The following SPRED2 variants were observed in gnomAD, a reference collection of about 807,000 sequenced individuals.
SPRED2 encodes the protein sprouty-related, EVH1 domain-containing protein 2.
SPRED2 carries 47 observed loss-of-function variants against 43.0 expected under a neutral mutation model. The ratio of observed to expected loss-of-function variants is 1.09; its 90% CI spans 0.87 to 1.40. The LOEUF (loss-of-function observed/expected upper bound fraction) is 1.40, where lower values mean the gene tolerates loss of function less well. SPRED2 is among the 40% of genes most tolerant of loss of function. The pLI is 0.00. For synonymous variants in SPRED2, 225 were observed against 225.7 expected (o/e 1.00, Z 0.03); for missense variants, 561 against 586.4 (o/e 0.96, Z 0.45).
chr2:65,328,787 TAGAA>T (rs1223405331), intron 4 of SPRED2, among the ~76,000 whole-genome samples: 1 of 152,118 alleles, frequency 6.6e-6, no homozygotes, highest in Non-Finnish European at 1.5e-5. Context: ...AGAAAACACT[TAGAA>T]AGCCAGTCAA....
intron 1 of SPRED2, among the ~76,000 whole-genome samples, chr2:65,360,079 C>CAAAAAAAAAAAAAAAAAAAAAAAAAA (rs143422380): frequency 4.3e-5 from 4 of 93,692 alleles, no homozygotes; most frequent in Non-Finnish European, 8.1e-5. Context: ...AAAAAAAAAA[C>CAAAAAAAAAAAAAAAAAAAAAAAAAA]AAAAAAAAAC....
chr2:65,376,724 T>G lies in SPRED2; in HGVS notation c.27-31828A>C, dbSNP rs115029440. On this transcript the variant is annotated intron_variant, in intron 1 of 5. Coordinates refer to ENST00000356388, the MANE Select transcript of SPRED2 (RefSeq NM_181784.3). ...TTATCTCTTCACAGTCTTTCCATAT[T>G]TTTTTTTTGAGATGGAGTCTCACTC... Among the ~76,000 whole-genome samples, 769 of 151,312 alleles carry G rather than the reference T, an allele frequency of 5.1e-3. 6 individuals carry two copies. The highest frequency in any genetic ancestry group is 0.017 in the African/African-American group (718 of 41,354).
chr2:65,308,284 T>A (rs935921171), downstream of SPRED2: 2 of 984,896 alleles, frequency 2.0e-6, no homozygotes, highest in African/African-American at 3.5e-5. Context: ...CCCTGCCCTC[T>A]CGGCAAAACC....
At chr2:65,416,328 T>TG (rs577998678) in intron 1 of SPRED2, among the ~76,000 whole-genome samples, 15 of 152,172 alleles carry the variant, frequency 9.9e-5, no homozygotes, top group South Asian at 8.3e-4. Flanking sequence ...TTGAGACAGT[T>TG]GGGGGGGTGT....
At chr2:65,315,593 AT>A (rs1219313190) in intron 5 of SPRED2, among the ~76,000 whole-genome samples, 1 of 152,220 alleles carries the variant, frequency 6.6e-6, no homozygotes, top group Non-Finnish European at 1.5e-5. Context: ...GGCTTTACTA[AT>A]TCTTTATTTT....
chr2:65,309,773 A>G (rs946342942), downstream of SPRED2, among the ~76,000 whole-genome samples: 1 of 152,198 alleles, frequency 6.6e-6, no homozygotes, highest in Non-Finnish European at 1.5e-5. Context: ...ATAGGACACC[A>G]AAGACAAACT....
chr2:65,325,265 G>C (rs951981549), intron 4 of SPRED2, among the ~76,000 whole-genome samples: 7 of 152,174 alleles, frequency 4.6e-5, no homozygotes, highest in African/African-American at 1.7e-4. Flanking sequence ...AATGTGCAAA[G>C]AGCCAAGCCC....
intron 1 of SPRED2, among the ~76,000 whole-genome samples, chr2:65,367,397 G>A (rs1280284616): frequency 6.6e-6 from 1 of 152,130 alleles, no homozygotes. Flanking sequence ...TGTGTAGTGC[G>A]TATATGCAGG....
At chr2:65,431,564 G>A (rs967417666) in intron 1 of SPRED2, among the ~76,000 whole-genome samples, 17 of 152,212 alleles carry the variant, frequency 1.1e-4, no homozygotes, top group African/African-American at 3.6e-4. Flanking sequence ...GCGGGGCGGC[G>A]GGAGTCACAA....
chr2:65,402,349 A>T (rs558491305), intron 1 of SPRED2, among the ~76,000 whole-genome samples: 2 of 151,616 alleles, frequency 1.3e-5, no homozygotes, highest in South Asian at 4.2e-4. Context: ...TCACTGAGTG[A>T]AGGGTGGTGC....
intron 4 of SPRED2, among the ~76,000 whole-genome samples, chr2:65,317,222 G>A (rs1333644942): frequency 1.3e-5 from 2 of 152,154 alleles, no homozygotes; most frequent in African/African-American, 2.4e-5. Context: ...GATCAAGAAT[G>A]GTTACCCTGG....
chr2:65,398,757 T>C (rs1157293539), intron 1 of SPRED2, among the ~76,000 whole-genome samples: 1 of 152,232 alleles, frequency 6.6e-6, no homozygotes, highest in Non-Finnish European at 1.5e-5. Flanking sequence ...GGAACACTTT[T>C]ACACTGTTGG....
intron 3 of SPRED2, 184 bp from the exon 4 acceptor site, chr2:65,332,235 A>G (rs1673834694): frequency 4.4e-6 from 2 of 452,492 alleles, no homozygotes; most frequent in Admixed American, 7.8e-5. Context: ...TCTTGCCAGG[A>G]TGCTCCCTAA....
At chr2:65,358,610 G>A in intron 1 of SPRED2, among the ~76,000 whole-genome samples, 1 of 152,218 alleles carries the variant, frequency 6.6e-6, no homozygotes. Context: ...CTCTGCTAAA[G>A]CAGCTCAGTG....
intron 1 of SPRED2, among the ~76,000 whole-genome samples, chr2:65,388,777 A>T (rs1463013529): frequency 6.6e-6 from 1 of 152,164 alleles, no homozygotes; most frequent in Non-Finnish European, 1.5e-5. Context: ...TTTCCTAGGT[A>T]CCCAAAGCAA....
chr2:65,352,797 T>C (rs1674549123), intron 1 of SPRED2, among the ~76,000 whole-genome samples: 1 of 152,198 alleles, frequency 6.6e-6, no homozygotes, highest in Admixed American at 6.5e-5. Flanking sequence ...CTAATTTTTG[T>C]ATTTTTAGTT....
chr2:65,341,179 C>A (rs1674174015), intron 2 of SPRED2, among the ~76,000 whole-genome samples: 1 of 151,500 alleles, frequency 6.6e-6, no homozygotes, highest in Non-Finnish European at 1.5e-5. Flanking sequence ...GGTTAAGTAC[C>A]ACTCAGTACA....
At chr2:65,393,592 C>A (rs1228303020) in intron 1 of SPRED2, among the ~76,000 whole-genome samples, 1 of 152,128 alleles carries the variant, frequency 6.6e-6, no homozygotes, top group Non-Finnish European at 1.5e-5. Context: ...GCCTCTGCCT[C>A]CCAAAGTGCT....
Position 65,345,259 on chromosome 2 carries a change from G to GTTTTTTTT in SPRED2, c.27-371_27-364dup, listed in dbSNP as rs66991368. Among the ~76,000 whole-genome samples, 107 of 111,344 alleles carry GTTTTTTTT rather than the reference G, an allele frequency of 9.6e-4. 1 individual carries two copies. The highest frequency in any genetic ancestry group is 5.0e-3 in the East Asian group (14 of 2,802). 73.0% of individuals were successfully genotyped at this position (111,344 alleles called of 152,430 possible). On this transcript the variant is annotated intron_variant, in intron 1 of 5. Coordinates refer to ENST00000356388, the MANE Select transcript of SPRED2 (RefSeq NM_181784.3). The stretch of plus-strand genomic sequence containing the variant: ...ACACCTATTTTGGTTTTTAGTTGTT[G>GTTTTTTTT]TTTTTTTTTTTTTTTTTTTTTGAGA...
Sources: gnomAD v4.1 joint callset for allele counts (sites outside exome capture counted in the v4.1 genomes callset) on GRCh38, gnomAD v4.1.1 for gene constraint, MANE v1.5 for transcripts, NCBI Gene and HGNC (gene_info 2026-07-23, HGNC 2026-07-21) for gene names.